Variants in KHDRBS2 observed in about 807,000 individuals in gnomAD.
KHDRBS2 encodes KH domain-containing, RNA-binding, signal transduction-associated protein 2.
KHDRBS2 carries 26 observed loss-of-function variants against 44.3 expected under a neutral mutation model. The observed-to-expected ratio is 0.59, with a 90% CI of 0.43 to 0.81. The LOEUF (loss-of-function observed/expected upper bound fraction) is 0.81. KHDRBS2 is among the 40% of genes least tolerant of loss of function. The pLI, the probability that KHDRBS2 is intolerant of heterozygous loss-of-function variation, is 0.00. For synonymous variants in KHDRBS2, 194 were observed against 151.1 expected (o/e 1.28, Z -2.08); for missense variants, 476 against 433.1 (o/e 1.10, Z -0.88).
At chr6:62,165,696 T>A (rs1818539599) in intron 2 of KHDRBS2, among the ~76,000 whole-genome samples, 1 of 151,900 alleles carries the variant, frequency 6.6e-6, no homozygotes, top group Non-Finnish European at 1.5e-5. Flanking sequence ...CTATAATAAA[T>A]ATATATCACT....
At chr6:62,029,022 C>T (rs1456884637) in intron 3 of KHDRBS2, among the ~76,000 whole-genome samples, 1 of 151,914 alleles carries the variant, frequency 6.6e-6, no homozygotes, top group Non-Finnish European at 1.5e-5. Flanking sequence ...TGTTTATGAG[C>T]ACATGTATCT....
intron 6 of KHDRBS2, among the ~76,000 whole-genome samples, chr6:61,867,132 G>A (rs1797914729): frequency 6.6e-6 from 1 of 152,176 alleles, no homozygotes; most frequent in African/African-American, 2.4e-5. Context: ...TCAATGTGCT[G>A]ATAAAGAGGT....
intron 4 of KHDRBS2, among the ~76,000 whole-genome samples, chr6:61,946,596 T>C (rs1339613208): frequency 6.6e-6 from 1 of 152,116 alleles, no homozygotes; most frequent in Admixed American, 6.6e-5. Flanking sequence ...CATATTTTAA[T>C]GGAGGGGCTA....
chr6:62,101,018 G>A (rs996392288), intron 2 of KHDRBS2, among the ~76,000 whole-genome samples: 3 of 152,166 alleles, frequency 2.0e-5, no homozygotes, highest in African/African-American at 7.2e-5. Context: ...TCTATCTCTA[G>A]TATCTGCAGG....
At chr6:61,646,694 A>G in the KHDRBS2 span, among the ~76,000 whole-genome samples, 4 of 152,154 alleles carry the variant, frequency 2.6e-5, no homozygotes, top group Non-Finnish European at 4.4e-5. Context: ...TTTACCTCCC[A>G]GAAAAACATA....
chr6:61,959,331 A>G (rs1768121959), intron 4 of KHDRBS2, among the ~76,000 whole-genome samples: 1 of 152,178 alleles, frequency 6.6e-6, no homozygotes, highest in Non-Finnish European at 1.5e-5. Flanking sequence ...AAGAAATTAA[A>G]TGGAACAACA....
chr6:61,737,158 T>C (rs1250512939), intron 6 of KHDRBS2, among the ~76,000 whole-genome samples: 2 of 152,098 alleles, frequency 1.3e-5, no homozygotes, highest in African/African-American at 2.4e-5. Context: ...TTATGAAGAA[T>C]ATCTTTACTA....
intron 6 of KHDRBS2, among the ~76,000 whole-genome samples, chr6:61,825,425 A>G (rs16899915): frequency 0.36 from 54,196 of 152,022 alleles, 10,507 homozygotes; most frequent in African/African-American, 0.52. Flanking sequence ...ATATACCTCT[A>G]AATTTCTAGC....
At chr6:61,876,599 T>A (rs1488043090) in intron 6 of KHDRBS2, among the ~76,000 whole-genome samples, 1 of 151,984 alleles carries the variant, frequency 6.6e-6, no homozygotes, top group Non-Finnish European at 1.5e-5. Flanking sequence ...CTGCTGAAAA[T>A]GAGATTGTTT....
chr6:61,671,364 A>AT, the KHDRBS2 span, among the ~76,000 whole-genome samples: 5 of 151,470 alleles, frequency 3.3e-5, no homozygotes, highest in South Asian at 2.1e-4. Flanking sequence ...TTCATTCTGT[A>AT]TTTTTTTGTG....
the KHDRBS2 span, among the ~76,000 whole-genome samples, chr6:61,581,081 A>G: frequency 6.6e-6 from 1 of 152,190 alleles, no homozygotes; most frequent in Non-Finnish European, 1.5e-5. Flanking sequence ...GCATTTAGAA[A>G]TCAATAGGAA....
intron 1 of KHDRBS2, among the ~76,000 whole-genome samples, chr6:62,209,048 C>A (rs1377707392): frequency 6.6e-6 from 1 of 152,054 alleles, no homozygotes; most frequent in South Asian, 2.1e-4. Flanking sequence ...AGGAAACAAT[C>A]AATGAAATAA....
intron 1 of KHDRBS2, among the ~76,000 whole-genome samples, chr6:62,221,582 T>A (rs1379484183): frequency 6.6e-6 from 1 of 152,006 alleles, no homozygotes; most frequent in Admixed American, 6.6e-5. Flanking sequence ...AAAAAAAATT[T>A]AAAAAGAACA....
At chr6:62,131,352 T>C (rs1304439148) in intron 2 of KHDRBS2, among the ~76,000 whole-genome samples, 1 of 152,170 alleles carries the variant, frequency 6.6e-6, no homozygotes, top group Non-Finnish European at 1.5e-5. Context: ...TCTCAACAAA[T>C]TCCACTGAAC....
At chr6:61,551,128 G>T in the KHDRBS2 span, among the ~76,000 whole-genome samples, 1 of 152,008 alleles carries the variant, frequency 6.6e-6, no homozygotes, top group South Asian at 2.1e-4. Context: ...TTAGTGATAA[G>T]CACTTTTTTC....
intron 6 of KHDRBS2, among the ~76,000 whole-genome samples, chr6:61,829,040 T>C (rs1048961553): frequency 1.3e-5 from 2 of 152,248 alleles, no homozygotes; most frequent in South Asian, 2.1e-4. Context: ...GAGAGTTATA[T>C]AGAGGTATTT....
intron 2 of KHDRBS2, among the ~76,000 whole-genome samples, chr6:62,099,044 C>T (rs760048113): frequency 2.6e-5 from 4 of 152,228 alleles, no homozygotes; most frequent in African/African-American, 7.2e-5. Flanking sequence ...TCAATTGTTT[C>T]TCTACATATT....
At chr6:62,192,424 T>C (rs974796241) in intron 1 of KHDRBS2, among the ~76,000 whole-genome samples, 3 of 152,130 alleles carry the variant, frequency 2.0e-5, no homozygotes, top group Non-Finnish European at 4.4e-5. Flanking sequence ...TGCATTGGTT[T>C]GGTTCAAATG....
chr6:62,074,552 C>A (rs774105872), intron 2 of KHDRBS2, among the ~76,000 whole-genome samples: 2 of 151,864 alleles, frequency 1.3e-5, no homozygotes, highest in Non-Finnish European at 2.9e-5. Flanking sequence ...GTCACAAATT[C>A]ATTTTGTACC....
Sources: gnomAD v4.1 joint callset for allele counts (sites outside exome capture counted in the v4.1 genomes callset) on GRCh38, gnomAD v4.1.1 for gene constraint, MANE v1.5 for transcripts, NCBI Gene and HGNC (gene_info 2026-07-23, HGNC 2026-07-21) for gene names.